The following MED12L variants were observed in gnomAD, a reference collection of about 807,000 sequenced individuals.
MED12L encodes mediator of RNA polymerase II transcription subunit 12-like protein.
Under a neutral mutation model 281.3 loss-of-function variants are expected in MED12L, and 60 were observed. The observed-to-expected ratio is 0.21, with a 90% CI of 0.17 to 0.26. The LOEUF (loss-of-function observed/expected upper bound fraction) is 0.26. Ranked by LOEUF, MED12L falls within the 10% of genes least tolerant of loss-of-function variation. The probability of loss-of-function intolerance (pLI) is 1.00; values close to 1 mark genes in which losing one functional copy is unlikely to be tolerated. For missense variants in MED12L, 2,146 were observed against 2,680.9 expected, an observed-to-expected ratio of 0.80 and a Z score of 4.41; for synonymous variants, 974 against 987.2, an observed-to-expected ratio of 0.99 and a Z score of 0.25.
intron 40 of MED12L, among the ~76,000 whole-genome samples, chr3:151,410,982 C>A (rs1373748727): frequency 1.3e-5 from 2 of 152,142 alleles, no homozygotes; most frequent in Non-Finnish European, 2.9e-5. Context: ...TAGAAACATG[C>A]CCTTCTCTAA....
chr3:151,380,715 T>C (rs1031007535), intron 32 of MED12L, among the ~76,000 whole-genome samples: 1 of 152,168 alleles, frequency 6.6e-6, no homozygotes, highest in Non-Finnish European at 1.5e-5. Context: ...TTAACAACTT[T>C]ATATTAATGA....
chr3:151,344,979 A>G (rs567219227), intron 16 of MED12L, among the ~76,000 whole-genome samples: 9 of 152,338 alleles, frequency 5.9e-5, no homozygotes, highest in African/African-American at 2.2e-4. Flanking sequence ...AGCAGACCTC[A>G]ATTCCTTTAA....
intron 16 of MED12L, among the ~76,000 whole-genome samples, chr3:151,330,068 A>G (rs2149876389): frequency 6.6e-6 from 1 of 152,344 alleles, no homozygotes; most frequent in East Asian, 1.9e-4. Flanking sequence ...TTAGAATCCC[A>G]GTTCCACCAA....
At chr3:151,214,461 T>C in intron 16 of MED12L, 1 of 633,688 alleles carries the variant, frequency 1.6e-6, no homozygotes, top group South Asian at 2.0e-5. Context: ...AGCCACCTTT[T>C]TACTCTGTGT....
Position 151,145,996 on chromosome 3 carries a change from A to G in MED12L, c.557-10165A>G, listed in dbSNP as rs1462287035. On this transcript the variant is annotated intron_variant, in intron 5 of 44. Coordinates refer to ENST00000687756, the MANE Select transcript of MED12L (RefSeq NM_001393769.1). ...CCTGAGAAATAGCGTTAATTTACGT[A>G]TCTGATCTTGCCGTTGCTGTGTTTA... Among the ~76,000 whole-genome samples, 12 of 152,256 alleles carry G rather than the reference A, an allele frequency of 7.9e-5. No individual in the cohort carries two copies. In the East Asian group the frequency reaches 2.1e-3, roughly 27 times the overall value.
chr3:151,423,525 ACTTC>A (rs1263263339), intron 43 of MED12L, among the ~76,000 whole-genome samples: 1 of 152,176 alleles, frequency 6.6e-6, no homozygotes, highest in Non-Finnish European at 1.5e-5. Context: ...CCATCTACTT[ACTTC>A]AGTTGCTTGT....
At chr3:151,089,570 A>G (rs1488843850) in intron 2 of MED12L, among the ~76,000 whole-genome samples, 4 of 148,394 alleles carry the variant, frequency 2.7e-5, no homozygotes, top group African/African-American at 9.9e-5. Context: ...GTCACCATAA[A>G]TGTAATTTTT....
At chr3:151,115,073 T>C (rs1224963975) in intron 2 of MED12L, among the ~76,000 whole-genome samples, 1 of 152,174 alleles carries the variant, frequency 6.6e-6, no homozygotes, top group East Asian at 1.9e-4. Context: ...CCCTTGGAAT[T>C]GGAGTTGGCA....
At chr3:151,107,201 A>G (rs1490807808) in intron 2 of MED12L, among the ~76,000 whole-genome samples, 1 of 151,974 alleles carries the variant, frequency 6.6e-6, no homozygotes, top group African/African-American at 2.4e-5. Context: ...TGCTCTAGGA[A>G]TTACAGTCTA....
intron 16 of MED12L, among the ~76,000 whole-genome samples, chr3:151,313,144 C>G (rs527814821): frequency 5.9e-5 from 9 of 152,272 alleles, no homozygotes; most frequent in Middle Eastern, 3.4e-3. Context: ...TTGAACAGAA[C>G]GTAAGCCCAT....
chr3:151,200,310 A>T (rs1308140351), intron 16 of MED12L, among the ~76,000 whole-genome samples: 2 of 152,160 alleles, frequency 1.3e-5, no homozygotes, highest in Admixed American at 1.3e-4. Flanking sequence ...ACATGCTTAG[A>T]GCTAAGGGTA....
Position 151,377,023 on chromosome 3 carries a change from A to C in MED12L, c.4161A>C (p.Leu1387Phe). The change falls in exon 30 of 45, where the codon TTA becomes TTC. Residue 1387 changes from leucine to phenylalanine, a missense_variant. Around this residue, in one of 9 missense-constraint regions of MED12L, gnomAD observed 235 missense variants for 260.3 expected, o/e 0.90. Transcript: ENST00000687756. ...GSGSVAEMNN[L>F]LDNIAKATIE... ...GTTCTGTGGCCGAAATGAACAACTT[A>C]CTGGACAATATTGCAAAGGCAACAA... is the stretch of plus-strand genomic sequence containing the variant. The C allele has an allele frequency of 6.2e-7, 1 of 1,614,018 alleles. No individual in the cohort carries two copies. Among genetic ancestry groups the C allele is most frequent in the Non-Finnish European group, 8.5e-7 (1 of 1,179,924 alleles).
At chr3:151,364,117 T>C (rs1272465707) in intron 21 of MED12L, among the ~76,000 whole-genome samples, 2 of 152,146 alleles carry the variant, frequency 1.3e-5, no homozygotes, top group East Asian at 3.9e-4. Flanking sequence ...AGAGAGTGAA[T>C]GTTGTTTATG....
intron 16 of MED12L, among the ~76,000 whole-genome samples, chr3:151,200,470 A>T (rs1725386709): frequency 6.6e-6 from 1 of 152,240 alleles, no homozygotes; most frequent in African/African-American, 2.4e-5. Flanking sequence ...AAAAGAAGCA[A>T]ATATAAGTTA....
In MED12L at chr3:151,337,517, A is replaced by T. The variant is rs1461250357; in HGVS notation, c.2251-12542A>T. ...TAAAAATTACAGTAAATATTATATG[A>T]TTACTCATTTTGGCAAAACTCTGCA... is the stretch of plus-strand genomic sequence containing the variant. On this transcript the variant is annotated intron_variant, in intron 16 of 44. Transcript: ENST00000687756. 3 of 314,074 alleles carry T rather than the reference A, an allele frequency of 9.6e-6. No homozygotes were observed. In the Admixed American group the frequency reaches 1.4e-4, roughly 15 times the overall value. The allele number at this position is 314,074 out of a possible 1,614,324, so 19.5% of individuals were successfully genotyped here.
chr3:151,187,751 A>T (rs1414142566), intron 12 of MED12L, among the ~76,000 whole-genome samples: 1 of 152,224 alleles, frequency 6.6e-6, no homozygotes, highest in African/African-American at 2.4e-5. Flanking sequence ...GTGAAAGAAT[A>T]TTGTTAGGGG....
intron 5 of MED12L, among the ~76,000 whole-genome samples, chr3:151,151,817 C>T (rs1199102200): frequency 6.6e-6 from 1 of 152,100 alleles, no homozygotes; most frequent in Non-Finnish European, 1.5e-5. Context: ...AACACAGAGT[C>T]ATGATGTGAA....
intron 16 of MED12L, among the ~76,000 whole-genome samples, chr3:151,264,303 T>C (rs544283740): frequency 6.6e-6 from 1 of 152,250 alleles, no homozygotes; most frequent in African/African-American, 2.4e-5. Flanking sequence ...AAAAAGAGTT[T>C]GTGCTCACTT....
At chr3:151,399,675 G>A (rs1715413218) in intron 39 of MED12L, among the ~76,000 whole-genome samples, 1 of 152,098 alleles carries the variant, frequency 6.6e-6, no homozygotes, top group African/African-American at 2.4e-5. Context: ...AATGCAAAAT[G>A]CTGCTTTAAT....
Sources: allele counts gnomAD v4.1 joint callset (sites outside exome capture counted in the v4.1 genomes callset), GRCh38; gene constraint gnomAD v4.1.1; regional missense constraint gnomAD v4.1.1; transcripts MANE v1.5; gene names NCBI Gene and HGNC (gene_info 2026-07-23, HGNC 2026-07-21).